The following CFAP74 variants were observed in gnomAD, a reference collection of about 807,000 sequenced individuals.
The protein encoded by CFAP74 is cilia- and flagella-associated protein 74.
Under a neutral mutation model 188.9 loss-of-function variants are expected in CFAP74, and 124 were observed. The observed-to-expected ratio is 0.66, with a 90% CI of 0.57 to 0.76. The LOEUF is 0.76. CFAP74 is among the 30% of genes least tolerant of loss of function. The pLI is 0.00. For synonymous variants in CFAP74, 956 were observed against 916.7 expected, an observed-to-expected ratio of 1.04 and a Z score of -0.77; for missense variants, 2,198 against 2,165.2, an observed-to-expected ratio of 1.02 and a Z score of -0.30.
At chr1:1,974,231 G>A in intron 6 of CFAP74, 33 bp from the exon 7 acceptor site, 6 of 1,553,982 alleles carry the variant, frequency 3.9e-6, no homozygotes, top group Middle Eastern at 1.7e-4. Context: ...CTGGAGACGG[G>A]CCCCACAGTC....
intron 16 of CFAP74, 74 bp downstream of exon 16, chr1:1,959,046 G>A (rs1414129314): frequency 9.8e-7 from 1 of 1,019,978 alleles, no homozygotes; most frequent in Non-Finnish European, 1.5e-6. Flanking sequence ...CCCCTCCCAG[G>A]AGATGCCGTC....
intron 9 of CFAP74, 108 bp from the exon 10 acceptor site, chr1:1,970,924 C>T (rs1004941299): frequency 3.0e-6 from 4 of 1,317,862 alleles, no homozygotes; most frequent in East Asian, 2.3e-5. Context: ...CACGTGCACA[C>T]ACGTGCACAC....
intron 6 of CFAP74, among the ~76,000 whole-genome samples, chr1:1,976,247 C>T (rs1483089390): frequency 2.0e-5 from 3 of 152,238 alleles, no homozygotes; most frequent in Non-Finnish European, 2.9e-5. Context: ...CGTGTTGAAC[C>T]GGAGCCCCCA....
intron 18 of CFAP74, chr1:1,953,348 T>C (rs1011828683): frequency 2.0e-5 from 3 of 150,290 alleles, no homozygotes; most frequent in Non-Finnish European, 4.4e-5. Flanking sequence ...CAGGCTGGAG[T>C]GCAATGGCGC....
At chr1:1,948,093 G>A (rs182148090) in intron 18 of CFAP74, among the ~76,000 whole-genome samples, 22 of 151,922 alleles carry the variant, frequency 1.4e-4, no homozygotes, top group South Asian at 2.1e-4. Context: ...GACTGGTCTC[G>A]AACTCCTGAC....
intron 4 of CFAP74, 25 bp downstream of exon 4, chr1:1,988,487 T>A (rs764764903): frequency 6.2e-7 from 1 of 1,607,036 alleles, no homozygotes. Flanking sequence ...GAGGTGCAGG[T>A]GCAGCGGCCT....
chr1:1,944,131 C>T (rs556185669), intron 21 of CFAP74, among the ~76,000 whole-genome samples, 200 bp downstream of exon 21: 45 of 152,344 alleles, frequency 3.0e-4, no homozygotes, highest in African/African-American at 9.6e-4. Flanking sequence ...GGACAGCAGC[C>T]GTGGCAGCCC....
intron 6 of CFAP74, among the ~76,000 whole-genome samples, chr1:1,980,779 C>G (rs1360182546): frequency 6.6e-6 from 1 of 152,192 alleles, no homozygotes; most frequent in African/African-American, 2.4e-5. Context: ...TCCACGGGGT[C>G]TCTCTCGGGC....
At chr1:1,960,935 T>A (rs966973668) in intron 14 of CFAP74, among the ~76,000 whole-genome samples, 2 of 152,066 alleles carry the variant, frequency 1.3e-5, no homozygotes, top group Admixed American at 1.3e-4. Flanking sequence ...ATAAAATGGT[T>A]AGAGACAGAA....
chr1:1,950,812 G>A (rs1044303061), intron 18 of CFAP74, among the ~76,000 whole-genome samples: 2 of 152,104 alleles, frequency 1.3e-5, no homozygotes, highest in African/African-American at 2.4e-5. Context: ...TGGTTTTGGC[G>A]AAGTCCAGTT....
Position 1,974,104 on chromosome 1 carries a change from G to A in CFAP74, c.595C>T (p.Gln199Ter). The change falls in exon 7 of 39, where the codon CAG (glutamine) becomes TAG (stop). Residue 199 changes from glutamine (Q) to a stop codon, truncating the protein, a stop_gained. Transcript: ENST00000682832. LOFTEE classifies it high-confidence loss of function. ...EEVEATGRRL[Q>*]VRAAEQLCRE... is the part of the protein sequence containing the mutation. The stretch of plus-strand genomic sequence containing the variant: ...CAGAGCTGCTCGGCTGCGCGCACCT[G>A]GAGCCGCCGCCCCGTGGCCTCCACC... The A allele has an allele frequency of 6.2e-7, 1 of 1,612,530 alleles. No individual in the cohort carries two copies. The highest frequency in any genetic ancestry group is 1.1e-5 in the South Asian group (1 of 90,932).
Position 1,999,144 on chromosome 1 carries a change from G to C in CFAP74, c.-20+4557C>G, listed in dbSNP as rs1571003885. ...CAATAGTTTTGAAGGGGGAAGGGGT[G>C]CCCCACCAGATATCAAGATTGATTC... On this transcript the variant is annotated intron_variant, in intron 1 of 38. Coordinates refer to ENST00000682832, the MANE Select transcript of CFAP74 (RefSeq NM_001304360.2). 3.9e-5 allele frequency among the ~76,000 whole-genome samples: 6 copies of C among 152,302 alleles called. No homozygotes were observed. In the South Asian group the frequency reaches 1.2e-3, roughly 32 times the overall value.
chr1:1,933,503 T>C (rs1319543346), intron 25 of CFAP74, among the ~76,000 whole-genome samples: 1 of 152,214 alleles, frequency 6.6e-6, no homozygotes, highest in Non-Finnish European at 1.5e-5. Flanking sequence ...ATTTCTATAT[T>C]TTTCCTGTGT....
At position 1,927,642 on chromosome 1, in the gene CFAP74, G is replaced by A. The variant is rs1330941752; in HGVS notation, c.3492C>T (p.His1164=). The change falls in exon 28 of 39, where the codon CAC becomes CAT. Residue 1164 remains histidine, a synonymous_variant. Coordinates refer to ENST00000682832, the MANE Select transcript of CFAP74 (RefSeq NM_001304360.2). ...GCTCCCGCTTCCGCATCTCCAGGAC[G>A]TGGGGGACAGAGACTTTGAACAGCT... The part of the protein sequence containing the change: ...RDKLFKVSVP[H]VLEMRKRELR... 1.2e-5 allele frequency: 18 copies of A among 1,550,072 alleles called. No individual in the cohort carries two copies. The highest frequency in any genetic ancestry group is 4.1e-5 in the African/African-American group (3 of 73,060).
rs1485115600 is a variant in CFAP74, at chr1:1,959,202, T to C, written c.1769A>G (p.Lys590Arg). ...VLVTFKPMIN[K>R]DLEGNISFLA... ...AAATGAGATATTTCCTTCTAGATCC[T>C]TGTTTATCTAAAACATAAAACAACC... Residue 590 changes from lysine (K) to arginine (R), a missense_variant, in exon 16 of 39, where the codon AAG becomes AGG. Physicochemically the swap from Lys to Arg is conservative, Grantham distance 26 (BLOSUM62 2). Transcript: ENST00000682832. 1 of 1,605,358 alleles carries C rather than the reference T, an allele frequency of 6.2e-7. No individual in the cohort carries two copies. The highest frequency in any genetic ancestry group is 2.2e-5 in the East Asian group (1 of 44,850).
At chr1:1,957,700 A>G (rs1654750584) in intron 16 of CFAP74, among the ~76,000 whole-genome samples, 2 of 152,174 alleles carry the variant, frequency 1.3e-5, no homozygotes, top group African/African-American at 4.8e-5. Context: ...GGAGTGGAGC[A>G]GGCCAGTACC....
Position 1,925,796 on chromosome 1 carries a change from G to A in CFAP74, c.4091C>T (p.Ser1364Phe). ...MGYVIAGESV[S>F]SGFKLQNNSL... Reference sequence around the variant, plus strand: ...CGTGTGCTTCACCTTGAAGCCTGAGGACACAGACTCTCCGGCAATCACATA... The same window carrying A: ...CGTGTGCTTCACCTTGAAGCCTGAGAACACAGACTCTCCGGCAATCACATA... The change falls in exon 33 of 39, where the codon TCC (serine) becomes TTC (phenylalanine). Residue 1364 changes from serine to phenylalanine, a missense_variant. Ser to Phe is a radical substitution (Grantham distance 155). Coordinates refer to ENST00000682832, the MANE Select transcript of CFAP74 (RefSeq NM_001304360.2). The A allele has an allele frequency of 6.2e-7, 1 of 1,612,376 alleles. No homozygotes were observed. Among genetic ancestry groups the A allele is most frequent in the Non-Finnish European group, 8.5e-7 (1 of 1,179,718 alleles).
chr1:1,927,926 A>T lies in CFAP74; in HGVS notation c.3388-180T>A, dbSNP rs750104355. On this transcript the variant is annotated intron_variant, in intron 27 of 38. Transcript: ENST00000682832. ...GTAGCCAGTGCGGAGGGGCACACAG[A>T]CCCCCACAGAGCTGCTCACAGACTG... 115 of 622,786 alleles carry T rather than the reference A, an allele frequency of 1.8e-4. 1 individual carries two copies. Among genetic ancestry groups the T allele is most frequent in the Non-Finnish European group, 3.0e-4 (108 of 361,184 alleles). 38.6% of individuals were successfully genotyped at this position (622,786 alleles called of 1,614,324 possible). A position where few individuals can be genotyped will look rare whatever the true frequency, so the allele number is the denominator to read the frequency against.
intron 21 of CFAP74, among the ~76,000 whole-genome samples, chr1:1,944,084 GC>G (rs1407861286): frequency 1.3e-5 from 2 of 152,134 alleles, no homozygotes; most frequent in Non-Finnish European, 2.9e-5. Context: ...TGTCTGCTAA[GC>G]CCCCTGCTTG....
Sources: allele counts gnomAD v4.1 joint callset (sites outside exome capture counted in the v4.1 genomes callset), GRCh38; gene constraint gnomAD v4.1.1; transcripts MANE v1.5; gene names NCBI Gene and HGNC (gene_info 2026-07-23, HGNC 2026-07-21).